The following PEX5L variants were observed in gnomAD, a reference collection of about 807,000 sequenced individuals.
The protein encoded by PEX5L is peroxisomal biogenesis factor 5 like, also known as PEX5-related protein.
PEX5L carries 30 observed loss-of-function variants against 84.0 expected under a neutral mutation model. The observed-to-expected ratio is 0.36, with a 90% CI of 0.27 to 0.48. PEX5L has a LOEUF of 0.48. Among genes scored for constraint, PEX5L ranks in the 20% least tolerant of loss-of-function variants. The probability of loss-of-function intolerance (pLI) is 0.99; values close to 1 mark genes in which losing one functional copy is unlikely to be tolerated. For missense variants in PEX5L, 533 were observed against 754.6 expected (o/e 0.71, Z 3.44); for synonymous variants, 270 against 283.1 (o/e 0.95, Z 0.46).
At position 179,811,848 on chromosome 3, in the gene PEX5L, G is replaced by A; in HGVS notation, c.1107C>T (p.Thr369=). The change falls in exon 11 of 15, where the codon ACC becomes ACT. Residue 369 remains threonine (T), a synonymous_variant. Transcript: ENST00000467460. ...DAEAWQFLGI[T]QAENENEQAA... ...CTTGTTCATTTTCATTCTCCGCCTGGGTTATCCCGAGGAACTGCCATGCCT... is the reference window on the plus strand; with the variant it reads ...CTTGTTCATTTTCATTCTCCGCCTGAGTTATCCCGAGGAACTGCCATGCCT... 1 of 1,613,918 alleles carries A rather than the reference G, an allele frequency of 6.2e-7. No individual in the cohort carries two copies. The highest frequency in any genetic ancestry group is 1.3e-5 in the African/African-American group (1 of 75,000).
intron 7 of PEX5L, among the ~76,000 whole-genome samples, chr3:179,867,563 T>C (rs1748775711): frequency 6.6e-6 from 1 of 152,146 alleles, no homozygotes; most frequent in Non-Finnish European, 1.5e-5. Context: ...TTGAAGTGGC[T>C]CCTGTACTGT....
intron 2 of PEX5L, among the ~76,000 whole-genome samples, chr3:179,904,156 A>G (rs964483234): frequency 5.9e-5 from 9 of 152,220 alleles, no homozygotes; most frequent in Non-Finnish European, 8.8e-5. Context: ...TATTGAAAAG[A>G]AAGATTTCCA....
intron 7 of PEX5L, among the ~76,000 whole-genome samples, chr3:179,862,905 A>T (rs79983246): frequency 0.023 from 3,559 of 152,266 alleles, 133 homozygotes; most frequent in African/African-American, 0.082. Flanking sequence ...AAAGAACAAC[A>T]TTGGAGGGAT....
intron 7 of PEX5L, among the ~76,000 whole-genome samples, chr3:179,862,582 A>T (rs1746599309): frequency 6.6e-6 from 1 of 152,174 alleles, no homozygotes; most frequent in Non-Finnish European, 1.5e-5. Context: ...TTGCTTTTGG[A>T]ACCAACTCTA....
intron 10 of PEX5L, among the ~76,000 whole-genome samples, chr3:179,812,921 A>C (rs899223392): frequency 2.8e-4 from 43 of 152,010 alleles, no homozygotes; most frequent in African/African-American, 9.9e-4. Flanking sequence ...ATACCGTTTT[A>C]AAACAAAACT....
At chr3:179,978,027 C>T (rs540025585) in intron 1 of PEX5L, among the ~76,000 whole-genome samples, 1 of 152,178 alleles carries the variant, frequency 6.6e-6, no homozygotes, top group African/African-American at 2.4e-5. Context: ...ATAAGGACAA[C>T]AAGTATGTTG....
chr3:179,968,697 C>CTG (rs67094806), intron 2 of PEX5L, among the ~76,000 whole-genome samples: 49,276 of 143,954 alleles, frequency 0.34, 9,323 homozygotes, highest in Admixed American at 0.43. Flanking sequence ...ATTTAAATGA[C>CTG]TGTGTGTGTG....
At chr3:179,904,985 G>A (rs1015214700) in intron 2 of PEX5L, among the ~76,000 whole-genome samples, 4 of 152,100 alleles carry the variant, frequency 2.6e-5, no homozygotes, top group African/African-American at 7.2e-5. Context: ...TGGCCTCACT[G>A]TTTTTGTTAA....
intron 2 of PEX5L, among the ~76,000 whole-genome samples, chr3:179,947,996 G>A (rs1213980146): frequency 6.6e-6 from 1 of 152,138 alleles, no homozygotes; most frequent in South Asian, 2.1e-4. Flanking sequence ...GTGAGCTACC[G>A]TGCCTGGCCA....
intron 2 of PEX5L, among the ~76,000 whole-genome samples, chr3:179,969,412 T>C (rs537988276): frequency 5.9e-5 from 9 of 152,178 alleles, no homozygotes; most frequent in African/African-American, 1.9e-4. Flanking sequence ...GTATAACTCA[T>C]ATCTACGAGA....
intron 7 of PEX5L, among the ~76,000 whole-genome samples, chr3:179,863,318 CA>C (rs1456586014): frequency 2.6e-5 from 4 of 151,114 alleles, no homozygotes; most frequent in African/African-American, 9.7e-5. Context: ...ACATAGGCAA[CA>C]AAAGCAAAAT....
chr3:179,844,686 T>C (rs112875144), intron 8 of PEX5L, among the ~76,000 whole-genome samples: 2 of 152,116 alleles, frequency 1.3e-5, no homozygotes, highest in African/African-American at 2.4e-5. Context: ...AAAAATTAGC[T>C]GGGCTTGGTG....
chr3:179,819,689 T>C (rs1321223959), intron 9 of PEX5L, among the ~76,000 whole-genome samples, 171 bp downstream of exon 9: 1 of 152,244 alleles, frequency 6.6e-6, no homozygotes, highest in East Asian at 1.9e-4. Flanking sequence ...CCTTCACACG[T>C]TGGATAATTA....
intron 2 of PEX5L, among the ~76,000 whole-genome samples, chr3:179,920,803 C>T (rs1769092686): frequency 1.3e-5 from 2 of 152,022 alleles, no homozygotes; most frequent in Admixed American, 6.6e-5. Flanking sequence ...TTAATAAATG[C>T]TCGGAAAGTA....
intron 1 of PEX5L, among the ~76,000 whole-genome samples, chr3:180,027,114 GGCA>G (rs59468962): frequency 0.34 from 51,580 of 151,390 alleles, 11,546 homozygotes; most frequent in African/African-American, 0.65. Context: ...GGTTTCTGTG[GGCA>G]GCAGCAGCAG....
At chr3:179,845,975 G>A (rs1739170070) in intron 8 of PEX5L, among the ~76,000 whole-genome samples, 3 of 152,306 alleles carry the variant, frequency 2.0e-5, no homozygotes, top group African/African-American at 7.2e-5. Context: ...TTTGAGACCA[G>A]CCTGGCCAAC....
chr3:179,937,337 G>GGA, intron 2 of PEX5L, among the ~76,000 whole-genome samples: 1 of 152,186 alleles, frequency 6.6e-6, no homozygotes, highest in South Asian at 2.1e-4. Context: ...GTTAACAGTA[G>GGA]GAGAGACAGC....
intron 2 of PEX5L, among the ~76,000 whole-genome samples, chr3:179,939,893 G>A (rs1031114794): frequency 5.9e-5 from 9 of 151,744 alleles, no homozygotes; most frequent in African/African-American, 2.2e-4. Flanking sequence ...AAAATGAGTT[G>A]GTATCATTTT....
intron 2 of PEX5L, among the ~76,000 whole-genome samples, chr3:179,966,944 C>T (rs543402723): frequency 1.3e-5 from 2 of 152,226 alleles, no homozygotes; most frequent in South Asian, 2.1e-4. Context: ...GAAAGGCAAG[C>T]GGTCTTCATA....
Sources: gnomAD v4.1 joint callset for allele counts (sites outside exome capture counted in the v4.1 genomes callset) on GRCh38, gnomAD v4.1.1 for gene constraint, MANE v1.5 for transcripts, NCBI Gene and HGNC (gene_info 2026-07-23, HGNC 2026-07-21) for gene names.